Variants in TRAF3 observed in about 807,000 individuals in gnomAD.
TRAF3 encodes TNF receptor-associated factor 3.
In TRAF3, 13 loss-of-function variants were observed where a neutral mutation model predicts 62.3. That is an observed-to-expected ratio of 0.21 (90% confidence interval 0.14 to 0.33). The LOEUF is 0.33. Among genes scored for constraint, TRAF3 ranks in the 10% least tolerant of loss-of-function variants. The pLI is 1.00. For synonymous variants in TRAF3, 269 were observed against 283.4 expected, an observed-to-expected ratio of 0.95 and a Z score of 0.51; for missense variants, 440 against 741.8, an observed-to-expected ratio of 0.59 and a Z score of 4.73.
At chr14:102,892,496 A>C (rs1387817750) in intron 9 of TRAF3, among the ~76,000 whole-genome samples, 1 of 152,242 alleles carries the variant, frequency 6.6e-6, no homozygotes, top group African/African-American at 2.4e-5. Context: ...GAGAAGATGA[A>C]AACCTCTAAG....
chr14:102,793,073 A>C (rs1897890974), intron 1 of TRAF3, among the ~76,000 whole-genome samples: 1 of 151,382 alleles, frequency 6.6e-6, no homozygotes, highest in African/African-American at 2.4e-5. Context: ...GCCTCCCAAA[A>C]TGCTGGGATT....
intron 1 of TRAF3, among the ~76,000 whole-genome samples, chr14:102,807,195 C>T (rs1255962225): frequency 6.6e-6 from 1 of 152,228 alleles, no homozygotes; most frequent in East Asian, 1.9e-4. Context: ...TTTACGGCCT[C>T]TGACTGCATT....
chr14:102,904,027 A>AG (rs1890449732), intron 11 of TRAF3: 1 of 355,686 alleles, frequency 2.8e-6, no homozygotes, highest in Non-Finnish European at 5.6e-6. Flanking sequence ...AAGAGAGCAG[A>AG]GGCCACCTGT....
At chr14:102,818,092 C>T (rs1899648286) in intron 1 of TRAF3, among the ~76,000 whole-genome samples, 1 of 152,184 alleles carries the variant, frequency 6.6e-6, no homozygotes, top group Non-Finnish European at 1.5e-5. Context: ...GCAGGGCCTA[C>T]TAGGCTTCTG....
At chr14:102,836,175 C>T (rs1193557517) in intron 2 of TRAF3, among the ~76,000 whole-genome samples, 4 of 152,374 alleles carry the variant, frequency 2.6e-5, no homozygotes, top group African/African-American at 7.2e-5. Context: ...GCACACAGCA[C>T]AGGAGGCTGG....
chr14:102,905,209 G>A lies in TRAF3; in HGVS notation c.1136-4G>A. 6.2e-7 allele frequency: 1 copy of A among 1,612,982 alleles called. No homozygotes were observed. Among genetic ancestry groups the A allele is most frequent in the East Asian group, 2.2e-5 (1 of 44,870 alleles). Reference sequence around the variant, plus strand: ...ATTCACCAAACCCTCCTCACCTGTGGCAGGCCTGCTGGAGTCCCAGCTGAG... The same window carrying A: ...ATTCACCAAACCCTCCTCACCTGTGACAGGCCTGCTGGAGTCCCAGCTGAG... On this transcript the variant is annotated splice_polypyrimidine_tract_variant and splice_region_variant and intron_variant, in intron 11 of 11. Coordinates refer to ENST00000392745, the MANE Select transcript of TRAF3 (RefSeq NM_145725.3).
At chr14:102,873,905 C>T (rs1429643255) in intron 4 of TRAF3, among the ~76,000 whole-genome samples, 3 of 152,166 alleles carry the variant, frequency 2.0e-5, no homozygotes, top group African/African-American at 7.2e-5. Flanking sequence ...CATAGAGCAA[C>T]AGGCAGGAGT....
intron 2 of TRAF3, among the ~76,000 whole-genome samples, chr14:102,838,132 C>T (rs966444318): frequency 1.3e-5 from 2 of 152,224 alleles, no homozygotes; most frequent in Non-Finnish European, 2.9e-5. Flanking sequence ...GCTGCTGAAT[C>T]TTCGTACTCT....
In TRAF3 at chr14:102,841,668, C is replaced by T. The variant is rs146048567; in HGVS notation, c.-18+11196C>T. Among the ~76,000 whole-genome samples, 147 of 152,232 alleles carry T rather than the reference C, an allele frequency of 9.7e-4. 2 individuals carry two copies. In the East Asian group the frequency reaches 0.019, roughly 20 times the overall value. Reference sequence around the variant, plus strand: ...TATATTTAAAAAGGATGTAATAAAACTAGCACCCAAAAATGTAAAAAGAAA... The same window carrying T: ...TATATTTAAAAAGGATGTAATAAAATTAGCACCCAAAAATGTAAAAAGAAA... On this transcript the variant is annotated intron_variant, in intron 2 of 11. Coordinates refer to ENST00000392745, the MANE Select transcript of TRAF3 (RefSeq NM_145725.3).
chr14:102,816,500 A>T (rs757934835), intron 1 of TRAF3, among the ~76,000 whole-genome samples: 2 of 152,228 alleles, frequency 1.3e-5, no homozygotes, highest in African/African-American at 2.4e-5. Context: ...TGATAATATT[A>T]CATGTTGAAA....
At chr14:102,828,213 C>T (rs1900442364) in intron 1 of TRAF3, among the ~76,000 whole-genome samples, 2 of 152,214 alleles carry the variant, frequency 1.3e-5, no homozygotes, top group South Asian at 4.1e-4. Flanking sequence ...AGACTGCTTC[C>T]TGTGCCAGAG....
At chr14:102,797,307 G>A (rs1898146555) in intron 1 of TRAF3, among the ~76,000 whole-genome samples, 1 of 152,244 alleles carries the variant, frequency 6.6e-6, no homozygotes. Context: ...ATTGGTCTGA[G>A]AGGCGTCTTC....
intron 10 of TRAF3, among the ~76,000 whole-genome samples, chr14:102,902,743 G>A (rs919028775): frequency 3.9e-5 from 6 of 152,222 alleles, no homozygotes; most frequent in African/African-American, 1.2e-4. Flanking sequence ...GGAGTGTGAG[G>A]GTGAGGTCGG....
chr14:102,785,148 A>G (rs191514231), intron 1 of TRAF3, among the ~76,000 whole-genome samples: 1 of 152,336 alleles, frequency 6.6e-6, no homozygotes, highest in East Asian at 1.9e-4. Context: ...GAGTAGACTT[A>G]GTTTTGCTGC....
intron 1 of TRAF3, among the ~76,000 whole-genome samples, chr14:102,795,592 GTA>G (rs1488808198): frequency 1.4e-4 from 21 of 146,996 alleles, no homozygotes; most frequent in South Asian, 4.3e-4. Context: ...TGCATGATAT[GTA>G]TATATGTGTG....
chr14:102,783,030 G>A (rs1163490736), intron 1 of TRAF3, among the ~76,000 whole-genome samples: 2 of 152,178 alleles, frequency 1.3e-5, no homozygotes, highest in African/African-American at 2.4e-5. Context: ...GTTAATGCCC[G>A]TTAGGAGGCC....
intron 2 of TRAF3, among the ~76,000 whole-genome samples, chr14:102,843,700 T>G (rs902082751): frequency 6.6e-5 from 10 of 152,112 alleles, no homozygotes; most frequent in African/African-American, 2.2e-4. Context: ...CGCAGCACTT[T>G]GGGCAGGAGG....
intron 1 of TRAF3, among the ~76,000 whole-genome samples, chr14:102,801,147 C>T (rs1397831904): frequency 6.6e-6 from 1 of 152,194 alleles, no homozygotes; most frequent in East Asian, 1.9e-4. Flanking sequence ...GCCTGGGCGA[C>T]AGAACGAGAC....
chr14:102,856,628 C>G (rs1033473882), intron 2 of TRAF3, among the ~76,000 whole-genome samples: 1 of 152,122 alleles, frequency 6.6e-6, no homozygotes, highest in African/African-American at 2.4e-5. Flanking sequence ...GAATGCCTAA[C>G]CTCCTGGGAA....
Sources: gnomAD v4.1 joint callset for allele counts (sites outside exome capture counted in the v4.1 genomes callset) on GRCh38, gnomAD v4.1.1 for gene constraint, MANE v1.5 for transcripts, NCBI Gene and HGNC (gene_info 2026-07-23, HGNC 2026-07-21) for gene names.